PTPRD: variants seen among roughly 807,000 people sequenced by gnomAD.
PTPRD encodes receptor-type tyrosine-protein phosphatase delta.
In PTPRD, 34 loss-of-function variants were observed where a neutral mutation model predicts 214.5. That is an observed-to-expected ratio of 0.16 (90% CI 0.12 to 0.21). The LOEUF (loss-of-function observed/expected upper bound fraction) is 0.21, where lower values mean the gene tolerates loss of function less well. PTPRD is among the 10% of genes least tolerant of loss of function. The pLI is 1.00. For synonymous variants in PTPRD, 1,128 were observed against 845.7 expected (o/e 1.33, Z -5.79); for missense variants, 2,545 against 2,398.7 (o/e 1.06, Z -1.27).
In PTPRD at chr9:9,977,444, G is replaced by A. The variant is rs147611480; in HGVS notation, c.-471-38834C>T. 2.8e-3 allele frequency among the ~76,000 whole-genome samples: 433 copies of A among 152,256 alleles called. 1 individual carries two copies. Among genetic ancestry groups the A allele is most frequent in the African/African-American group, 9.4e-3 (390 of 41,554 alleles). Reference sequence around the variant, plus strand: ...TGAAGCATAGAGTTTTGTACTCTCAGATCTATGTTTAAGTTTTTAATGTTG... The same window carrying A: ...TGAAGCATAGAGTTTTGTACTCTCAAATCTATGTTTAAGTTTTTAATGTTG... On this transcript the variant is annotated intron_variant, in intron 4 of 45. Transcript: ENST00000381196.
In PTPRD at chr9:9,472,420, G is replaced by T. The variant is rs543613944; in HGVS notation, c.-236-74938C>A. 2.0e-5 allele frequency among the ~76,000 whole-genome samples: 3 copies of T among 151,630 alleles called. No homozygotes were observed. In the East Asian group the frequency reaches 5.9e-4, roughly 30 times the overall value. Reference sequence around the variant, plus strand: ...GGGTTTCACCTTGTTAGCCAGGATGGTCTCGATCTCCTGACCTCATGATCC... The same window carrying T: ...GGGTTTCACCTTGTTAGCCAGGATGTTCTCGATCTCCTGACCTCATGATCC... On this transcript the variant is annotated intron_variant, in intron 8 of 45. Transcript: ENST00000381196.
chr9:9,684,210 G>C (rs2154399321), intron 7 of PTPRD, among the ~76,000 whole-genome samples: 1 of 151,720 alleles, frequency 6.6e-6, no homozygotes, highest in Non-Finnish European at 1.5e-5. Flanking sequence ...AAGGAATCAT[G>C]TTTTATTTCA....
At chr9:9,780,417 C>T (rs2209193) in intron 5 of PTPRD, among the ~76,000 whole-genome samples, 32 of 152,062 alleles carry the variant, frequency 2.1e-4, no homozygotes, top group African/African-American at 7.7e-4. Context: ...GCAATTAAAA[C>T]AATACCCAAT....
At chr9:10,324,801 T>C (rs774393004) in intron 3 of PTPRD, among the ~76,000 whole-genome samples, 1 of 152,082 alleles carries the variant, frequency 6.6e-6, no homozygotes, top group Non-Finnish European at 1.5e-5. Context: ...TCAATAATGA[T>C]ACCTCACTTA....
Position 9,311,724 on chromosome 9 carries a change from G to C in PTPRD, c.-203+85725C>G, listed in dbSNP as rs1383524810. Among the ~76,000 whole-genome samples the C allele has an allele frequency of 2.6e-5, 4 of 152,076 alleles. No homozygotes were observed. In the East Asian group the frequency reaches 7.7e-4, roughly 29 times the overall value. ...CAATGTTATCATTATAGAAATTTAA[G>C]GCTTGTAGCTCTACCATTGTTTTAA... On this transcript the variant is annotated intron_variant, in intron 9 of 45. Transcript: ENST00000381196.
intron 5 of PTPRD, among the ~76,000 whole-genome samples, chr9:9,920,439 A>G (rs1284966213): frequency 2.0e-5 from 3 of 152,148 alleles, no homozygotes; most frequent in Non-Finnish European, 2.9e-5. Flanking sequence ...AAAACATAAT[A>G]AGGTCACAGC....
intron 8 of PTPRD, among the ~76,000 whole-genome samples, chr9:9,504,421 T>C (rs1590083384): frequency 6.6e-6 from 1 of 151,668 alleles, no homozygotes; most frequent in Admixed American, 6.6e-5. Flanking sequence ...ACAACCCTTG[T>C]CTCCATTCCA....
At chr9:9,930,580 AG>A (rs1460751363) in intron 5 of PTPRD, among the ~76,000 whole-genome samples, 1 of 152,196 alleles carries the variant, frequency 6.6e-6, no homozygotes, top group African/African-American at 2.4e-5. Context: ...TATTTGATAA[AG>A]AAAAATCTTA....
At chr9:9,547,895 A>T (rs565438831) in intron 8 of PTPRD, among the ~76,000 whole-genome samples, 10 of 152,040 alleles carry the variant, frequency 6.6e-5, no homozygotes, top group South Asian at 4.1e-4. Flanking sequence ...AATGTGAAAG[A>T]AGCTCAAGAA....
chr9:8,577,173 A>G (rs895853356), intron 14 of PTPRD, among the ~76,000 whole-genome samples: 2 of 152,222 alleles, frequency 1.3e-5, no homozygotes, highest in Non-Finnish European at 2.9e-5. Context: ...TTCTGTGAAT[A>G]CACATCACTT....
chr9:8,673,069 C>T (rs550291587), intron 12 of PTPRD, among the ~76,000 whole-genome samples: 2 of 151,774 alleles, frequency 1.3e-5, no homozygotes, highest in Non-Finnish European at 2.9e-5. Context: ...GATTTTTTTT[C>T]TACTAAGATA....
At chr9:10,356,610 T>C (rs2097282475) in intron 2 of PTPRD, among the ~76,000 whole-genome samples, 1 of 152,220 alleles carries the variant, frequency 6.6e-6, no homozygotes, top group Admixed American at 6.5e-5. Context: ...CCTTAAATCT[T>C]ATTTTTTCCT....
intron 31 of PTPRD, among the ~76,000 whole-genome samples, chr9:8,469,015 C>T (rs1429738462): frequency 6.6e-6 from 1 of 151,954 alleles, no homozygotes; most frequent in African/African-American, 2.4e-5. Context: ...ATTAATTCTA[C>T]AATGTGGTCT....
intron 10 of PTPRD, among the ~76,000 whole-genome samples, chr9:9,055,921 C>G (rs975925134): frequency 5.9e-5 from 9 of 151,832 alleles, no homozygotes; most frequent in East Asian, 1.9e-4. Flanking sequence ...GAGTTCTCAT[C>G]AGCTCATTCC....
At chr9:9,574,831 T>G (rs950761368) in intron 7 of PTPRD, 50 bp from the exon 8 acceptor site, 4 of 152,130 alleles carry the variant, frequency 2.6e-5, no homozygotes, top group African/African-American at 7.2e-5. Flanking sequence ...GTGTTCAATT[T>G]AAATTAAAGA....
intron 2 of PTPRD, among the ~76,000 whole-genome samples, chr9:10,445,275 C>A (rs1474556194): frequency 1.3e-5 from 2 of 151,994 alleles, no homozygotes; most frequent in Non-Finnish European, 2.9e-5. Flanking sequence ...GTGAAGGAGT[C>A]AGAACTACTT....
intron 12 of PTPRD, among the ~76,000 whole-genome samples, chr9:8,724,871 G>A (rs2098540762): frequency 6.6e-6 from 1 of 152,134 alleles, no homozygotes; most frequent in Non-Finnish European, 1.5e-5. Flanking sequence ...CCAGGAGGCA[G>A]AAGGTGCAGT....
intron 14 of PTPRD, among the ~76,000 whole-genome samples, chr9:8,565,651 C>G (rs1320874217): frequency 6.6e-6 from 1 of 151,982 alleles, no homozygotes; most frequent in East Asian, 1.9e-4. Flanking sequence ...AAATGGACAT[C>G]AAGAGGAAGG....
intron 4 of PTPRD, among the ~76,000 whole-genome samples, chr9:9,990,648 T>A (rs1406759219): frequency 2.0e-5 from 3 of 152,226 alleles, no homozygotes; most frequent in Non-Finnish European, 2.9e-5. Flanking sequence ...AGTTTAGCCC[T>A]GGGCTGGGAT....
Sources: allele counts gnomAD v4.1 joint callset (sites outside exome capture counted in the v4.1 genomes callset), GRCh38; gene constraint gnomAD v4.1.1; transcripts MANE v1.5; gene names NCBI Gene and HGNC (gene_info 2026-07-23, HGNC 2026-07-21).